Variants in ATP10B observed in about 807,000 individuals in gnomAD.
ATP10B encodes phospholipid-transporting ATPase VB.
ATP10B carries 122 observed loss-of-function variants against 141.2 expected under a neutral mutation model. The ratio of observed to expected loss-of-function variants is 0.86; its 90% CI spans 0.75 to 1.00. The LOEUF (loss-of-function observed/expected upper bound fraction) is 1.00. Ranked by LOEUF, ATP10B falls within the 50% of genes least tolerant of loss-of-function variation. ATP10B has a pLI of 0.00. For missense variants in ATP10B, 1,876 were observed against 1,825.3 expected, an observed-to-expected ratio of 1.03 and a Z score of -0.51; for synonymous variants, 685 against 692.0, an observed-to-expected ratio of 0.99 and a Z score of 0.16.
chr5:160,751,224 A>G (rs1768131270), intron 2 of ATP10B, among the ~76,000 whole-genome samples: 2 of 152,076 alleles, frequency 1.3e-5, no homozygotes, highest in African/African-American at 4.8e-5. Context: ...ATTGGCACTG[A>G]CCACATCAGC....
intron 3 of ATP10B, among the ~76,000 whole-genome samples, chr5:160,705,278 C>T (rs533284313): frequency 6.6e-6 from 1 of 152,068 alleles, no homozygotes; most frequent in Non-Finnish European, 1.5e-5. Flanking sequence ...CAGGAGTACA[C>T]TGGTACCATC....
chr5:160,757,914 T>A (rs1768748859), intron 2 of ATP10B, among the ~76,000 whole-genome samples: 1 of 152,134 alleles, frequency 6.6e-6, no homozygotes, highest in South Asian at 2.1e-4. Context: ...ACCCATGAGA[T>A]GCCAGTAGCA....
chr5:160,577,855 G>A (rs1561619566), intron 24 of ATP10B, among the ~76,000 whole-genome samples: 1 of 151,444 alleles, frequency 6.6e-6, no homozygotes, highest in Non-Finnish European at 1.5e-5. Flanking sequence ...CTGGTAACTG[G>A]TTTGTGTATG....
At chr5:160,809,450 G>A (rs559002060) in intron 1 of ATP10B, among the ~76,000 whole-genome samples, 2 of 152,288 alleles carry the variant, frequency 1.3e-5, no homozygotes, top group South Asian at 4.1e-4. Flanking sequence ...TGTGCATAGT[G>A]ATGTTGCAAT....
chr5:160,572,393 T>G (rs889270796), intron 24 of ATP10B, among the ~76,000 whole-genome samples: 2 of 152,156 alleles, frequency 1.3e-5, no homozygotes, highest in African/African-American at 4.8e-5. Context: ...TCTTCCTGCT[T>G]CAAGTACTTT....
the ATP10B span, among the ~76,000 whole-genome samples, chr5:160,885,870 T>C: frequency 2.0e-5 from 3 of 152,226 alleles, no homozygotes; most frequent in African/African-American, 7.2e-5. Context: ...CTTTGTGCTG[T>C]AGTAACTTAG....
rs140540939 is a variant in ATP10B at position 160,761,320 on chromosome 5, A to G, written c.-331+24239T>C. Among the ~76,000 whole-genome samples the G allele has an allele frequency of 7.9e-4, 121 of 152,288 alleles. 3 individuals are homozygous for G. The East Asian group carries it at 0.021, about 26-fold the overall frequency. On this transcript the variant is annotated intron_variant, in intron 2 of 25. Transcript: ENST00000327245. The stretch of plus-strand genomic sequence containing the variant: ...TTCGCTCCCCTGCCAACTCCACTAG[A>G]GCAGGTGCTGGTATCCATGGCTGGA...
At chr5:160,698,556 G>A (rs1426889831) in intron 3 of ATP10B, among the ~76,000 whole-genome samples, 2 of 152,176 alleles carry the variant, frequency 1.3e-5, no homozygotes, top group Non-Finnish European at 2.9e-5. Flanking sequence ...TCACACACTG[G>A]TGTGCTAAAG....
At chr5:160,636,096 C>G in intron 11 of ATP10B, 86 bp downstream of exon 11, 2 of 1,424,276 alleles carry the variant, frequency 1.4e-6, no homozygotes, top group Non-Finnish European at 1.9e-6. Context: ...TTCTAGTGGC[C>G]AGCACTGTTT....
intron 7 of ATP10B, among the ~76,000 whole-genome samples, chr5:160,669,922 A>AAAAAAAAAAAAAAAAG (rs1202583963): frequency 6.6e-6 from 1 of 150,680 alleles, no homozygotes; most frequent in East Asian, 1.9e-4. Flanking sequence ...GTCTCTTAAA[A>AAAAAAAAAAAAAAAAG]AAAAAAAGAT....
At chr5:160,870,409 TA>T in the ATP10B span, among the ~76,000 whole-genome samples, 12,305 of 139,950 alleles carry the variant, frequency 0.088, 646 homozygotes, top group South Asian at 0.22. Context: ...GAACAAACAA[TA>T]AAAAAAAAAC....
At chr5:160,699,872 A>G (rs367607693) in intron 3 of ATP10B, among the ~76,000 whole-genome samples, 3 of 152,274 alleles carry the variant, frequency 2.0e-5, no homozygotes, top group South Asian at 2.1e-4. Flanking sequence ...TAAAAAGTCA[A>G]TATTCACTTA....
At chr5:160,818,717 C>T (rs1773875170) in intron 1 of ATP10B, among the ~76,000 whole-genome samples, 1 of 152,136 alleles carries the variant, frequency 6.6e-6, no homozygotes, top group South Asian at 2.1e-4. Flanking sequence ...TATTGTGGCA[C>T]TATTCACAAT....
chr5:160,690,517 C>A (rs938993996), intron 3 of ATP10B, among the ~76,000 whole-genome samples: 2 of 152,014 alleles, frequency 1.3e-5, no homozygotes, highest in African/African-American at 2.4e-5. Flanking sequence ...CAAGAAAAAA[C>A]CAACAATCCC....
At chr5:160,803,084 T>G (rs972706464) in intron 1 of ATP10B, among the ~76,000 whole-genome samples, 1 of 152,240 alleles carries the variant, frequency 6.6e-6, no homozygotes, top group Non-Finnish European at 1.5e-5. Flanking sequence ...AAAAGGCTTC[T>G]GTTGGCTCAC....
At chr5:160,632,901 G>C (rs1725802273) in intron 12 of ATP10B, 2 of 152,138 alleles carry the variant, frequency 1.3e-5, no homozygotes, top group Admixed American at 1.3e-4. Context: ...TCAAAAAATG[G>C]GTGAAGGATA....
intron 6 of ATP10B, among the ~76,000 whole-genome samples, chr5:160,682,976 T>C (rs1763511682): frequency 7.2e-6 from 1 of 139,802 alleles, no homozygotes; most frequent in African/African-American, 2.7e-5. Flanking sequence ...GAGGTGGAGC[T>C]TGCAGTGAGC....
At chr5:160,853,443 A>C (rs1448591346), upstream of ATP10B, among the ~76,000 whole-genome samples, 1 of 152,182 alleles carries the variant, frequency 6.6e-6, no homozygotes, top group Non-Finnish European at 1.5e-5. Context: ...ACAATTGCTC[A>C]AAGCCAAACA....
intron 2 of ATP10B, among the ~76,000 whole-genome samples, chr5:160,742,381 ATT>A (rs748702964): frequency 4.0e-5 from 6 of 151,162 alleles, no homozygotes; most frequent in Middle Eastern, 3.4e-3. Context: ...AAAAACTTAA[ATT>A]TTTGCCACTT....
Sources: gnomAD v4.1 joint callset for allele counts (sites outside exome capture counted in the v4.1 genomes callset) on GRCh38, gnomAD v4.1.1 for gene constraint, MANE v1.5 for transcripts, NCBI Gene and HGNC (gene_info 2026-07-23, HGNC 2026-07-21) for gene names.